Variants in PRKD1 observed in about 807,000 individuals in gnomAD.
The protein encoded by PRKD1 is serine/threonine-protein kinase D1.
PRKD1 carries 63 observed loss-of-function variants against 95.9 expected under a neutral mutation model. The ratio of observed to expected loss-of-function variants is 0.66; its 90% CI spans 0.54 to 0.81. PRKD1 has a LOEUF of 0.81. Among genes scored for constraint, PRKD1 ranks in the 30% least tolerant of loss-of-function variants. The pLI, the probability that PRKD1 is intolerant of heterozygous loss-of-function variation, is 0.00. For synonymous variants in PRKD1, 425 were observed against 423.1 expected (o/e 1.00, Z -0.05); for missense variants, 1,048 against 1,165.3 (o/e 0.90, Z 1.47).
At chr14:29,910,634 T>C (rs1010407947) in intron 1 of PRKD1, among the ~76,000 whole-genome samples, 3 of 152,190 alleles carry the variant, frequency 2.0e-5, no homozygotes, top group African/African-American at 7.2e-5. Context: ...GATTTGCCTA[T>C]CTTAAGAGCT....
chr14:29,886,268 G>C (rs1235276602), intron 1 of PRKD1, among the ~76,000 whole-genome samples: 5 of 152,190 alleles, frequency 3.3e-5, no homozygotes, highest in African/African-American at 9.7e-5. Flanking sequence ...AGTTTACCTG[G>C]TATGTTCAAC....
intron 11 of PRKD1, among the ~76,000 whole-genome samples, chr14:29,626,873 C>A (rs996357044): frequency 6.6e-6 from 1 of 151,998 alleles, no homozygotes; most frequent in Non-Finnish European, 1.5e-5. Context: ...CGCCACCACG[C>A]CCAGCTAATT....
intron 13 of PRKD1, among the ~76,000 whole-genome samples, chr14:29,623,115 C>T (rs1366475001): frequency 6.6e-6 from 1 of 152,176 alleles, no homozygotes. Flanking sequence ...ATCTTCACAT[C>T]CATGGTTGTT....
At chr14:29,692,189 T>G (rs2139300444) in intron 2 of PRKD1, among the ~76,000 whole-genome samples, 1 of 148,404 alleles carries the variant, frequency 6.7e-6, no homozygotes, top group South Asian at 2.2e-4. Flanking sequence ...TTAAATGGAG[T>G]TCAGAAAAAA....
At chr14:29,828,830 G>A (rs904980844) in intron 1 of PRKD1, among the ~76,000 whole-genome samples, 3 of 152,180 alleles carry the variant, frequency 2.0e-5, no homozygotes, top group African/African-American at 4.8e-5. Flanking sequence ...TTAGGGAGAG[G>A]TGAGGTTTGT....
At chr14:29,885,112 G>T (rs1893652774) in intron 1 of PRKD1, among the ~76,000 whole-genome samples, 1 of 133,638 alleles carries the variant, frequency 7.5e-6, no homozygotes, top group Admixed American at 7.7e-5. Context: ...AACAGAGCGA[G>T]ACTCCATCTT....
intron 13 of PRKD1, among the ~76,000 whole-genome samples, chr14:29,605,956 T>C (rs930590388): frequency 5.9e-5 from 9 of 152,158 alleles, no homozygotes; most frequent in Admixed American, 3.3e-4. Context: ...TTAAATCTGT[T>C]AGTCGGAAAT....
chr14:29,734,888 A>G (rs1886641804), intron 1 of PRKD1, among the ~76,000 whole-genome samples: 1 of 152,152 alleles, frequency 6.6e-6, no homozygotes, highest in African/African-American at 2.4e-5. Flanking sequence ...CAGCAAGACA[A>G]TTAGGCTCTG....
intron 1 of PRKD1, among the ~76,000 whole-genome samples, chr14:29,828,582 G>A (rs1400388314): frequency 6.6e-6 from 1 of 151,980 alleles, no homozygotes; most frequent in Non-Finnish European, 1.5e-5. Context: ...GATCTTTAGA[G>A]GAAAAAGAGA....
chr14:29,809,667 A>G (rs1441336294), intron 1 of PRKD1, among the ~76,000 whole-genome samples: 4 of 152,230 alleles, frequency 2.6e-5, no homozygotes, highest in Admixed American at 6.5e-5. Flanking sequence ...ACAGAATTAA[A>G]GAGAGTTAGG....
chr14:29,646,023 T>C (rs1376107188), intron 4 of PRKD1, among the ~76,000 whole-genome samples: 1 of 152,178 alleles, frequency 6.6e-6, no homozygotes, highest in Non-Finnish European at 1.5e-5. Flanking sequence ...ATTTTGTTCA[T>C]CATTGTAACA....
At chr14:29,867,901 T>C (rs1892966218) in intron 1 of PRKD1, among the ~76,000 whole-genome samples, 1 of 152,190 alleles carries the variant, frequency 6.6e-6, no homozygotes, top group South Asian at 2.1e-4. Flanking sequence ...AAAGAATCTA[T>C]GAAGGAAACA....
chr14:29,785,736 T>G (rs1480243554), intron 1 of PRKD1, among the ~76,000 whole-genome samples: 1 of 152,064 alleles, frequency 6.6e-6, no homozygotes, highest in South Asian at 2.1e-4. Flanking sequence ...GATGAGTTAA[T>G]GGGTGCAGCA....
intron 1 of PRKD1, among the ~76,000 whole-genome samples, chr14:29,806,453 G>GA (rs140860371): frequency 0.062 from 9,085 of 147,628 alleles, 727 homozygotes; most frequent in African/African-American, 0.19. Context: ...GGTTGCAGGA[G>GA]AAAAAAAAAA....
chr14:29,736,761 T>A (rs1477562417), intron 1 of PRKD1, among the ~76,000 whole-genome samples: 2 of 152,214 alleles, frequency 1.3e-5, no homozygotes, highest in Non-Finnish European at 2.9e-5. Flanking sequence ...GCTGTGTGTA[T>A]CATTTGGCAT....
At chr14:29,758,269 G>A (rs905592073) in intron 1 of PRKD1, among the ~76,000 whole-genome samples, 1 of 152,086 alleles carries the variant, frequency 6.6e-6, no homozygotes, top group South Asian at 2.1e-4. Context: ...ACAGAAGGTG[G>A]AGAGAGAATA....
At chr14:29,887,964 A>G (rs1409602092) in intron 1 of PRKD1, among the ~76,000 whole-genome samples, 4 of 152,224 alleles carry the variant, frequency 2.6e-5, no homozygotes, top group Admixed American at 6.5e-5. Context: ...AATATGTCAT[A>G]ATAGACATAA....
chr14:29,784,347 T>C (rs2139176546), intron 1 of PRKD1, among the ~76,000 whole-genome samples: 1 of 152,306 alleles, frequency 6.6e-6, no homozygotes, highest in Admixed American at 6.5e-5. Context: ...CTTTGTTCTT[T>C]TTGCTCAGTA....
At chr14:29,582,352 T>G (rs1892780792) in intron 16 of PRKD1, among the ~76,000 whole-genome samples, 1 of 151,302 alleles carries the variant, frequency 6.6e-6, no homozygotes, top group South Asian at 2.1e-4. Context: ...CCTTGGTATC[T>G]CTCTCATTTT....
Sources: gnomAD v4.1 joint callset for allele counts (sites outside exome capture counted in the v4.1 genomes callset) on GRCh38, gnomAD v4.1.1 for gene constraint, MANE v1.5 for transcripts, NCBI Gene and HGNC (gene_info 2026-07-23, HGNC 2026-07-21) for gene names.